Variants in PCDHGB6 observed in about 807,000 individuals in gnomAD.
PCDHGB6 encodes the protein protocadherin gamma subfamily B, 6.
Under a neutral mutation model 59.1 loss-of-function variants are expected in PCDHGB6, and 51 were observed. The observed-to-expected ratio is 0.86, with a 90% CI of 0.69 to 1.09. The LOEUF (loss-of-function observed/expected upper bound fraction) is 1.09, where lower values mean the gene tolerates loss of function less well. Among genes scored for constraint, PCDHGB6 ranks in the 50% least tolerant of loss-of-function variants. The pLI is 0.00. For synonymous variants in PCDHGB6, 466 were observed against 495.1 expected (o/e 0.94, Z 0.78); for missense variants, 1,148 against 1,205.1 (o/e 0.95, Z 0.70).
chr5:141,439,212 T>G (rs1391791892), intron 1 of PCDHGB6, among the ~76,000 whole-genome samples: 1 of 150,642 alleles, frequency 6.6e-6, no homozygotes, highest in Non-Finnish European at 1.5e-5. Context: ...AAAATCCATA[T>G]GTGAAAATTC....
At chr5:141,449,021 C>T (rs897401758) in intron 1 of PCDHGB6, among the ~76,000 whole-genome samples, 3 of 152,104 alleles carry the variant, frequency 2.0e-5, no homozygotes, top group Non-Finnish European at 4.4e-5. Context: ...AGTTGCTTAG[C>T]ATTCCTTTGG....
chr5:141,494,898 T>C, intron 2 of PCDHGB6, 33 bp downstream of exon 2: 1 of 1,614,074 alleles, frequency 6.2e-7, no homozygotes, highest in Non-Finnish European at 8.5e-7. Flanking sequence ...CACCCTCTTC[T>C]CTGCGGCATT....
At chr5:141,426,010 C>T (rs2096909211) in intron 1 of PCDHGB6, among the ~76,000 whole-genome samples, 1 of 152,178 alleles carries the variant, frequency 6.6e-6, no homozygotes, top group Non-Finnish European at 1.5e-5. Flanking sequence ...CTTCCGGCTG[C>T]AGTTTTCTAA....
chr5:141,476,926 T>G lies in PCDHGB6; in HGVS notation c.2419-17881T>G, dbSNP rs779017502. ...GCGTGGTACAAGTCCTTGCAACGGA[T>G]CTGGATGAAGGCCCCAACGGTGAAA... is the stretch of plus-strand genomic sequence containing the variant. On this transcript the variant is annotated intron_variant, in intron 1 of 3. Coordinates refer to ENST00000520790, the MANE Select transcript of PCDHGB6 (RefSeq NM_018926.3). The surrounding 1 kb of genome is among the most constrained non-coding windows in gnomAD (Gnocchi z 7.6). 1 of 1,614,072 alleles carries G rather than the reference T, an allele frequency of 6.2e-7. No homozygotes were observed. The highest frequency in any genetic ancestry group is 1.1e-5 in the South Asian group (1 of 91,092).
At position 141,477,112 on chromosome 5, in the gene PCDHGB6, A is replaced by C. The variant is rs745449028; in HGVS notation, c.2419-17695A>C. The C allele has an allele frequency of 2.5e-6, 4 of 1,614,262 alleles. No homozygotes were observed. The South Asian group carries it at 4.4e-5, about 18-fold the overall frequency. Reference sequence around the variant, plus strand: ...CCAAAGACAAGGGCGCCAATCCCGAAGGAGCACATTGCAAAGTGTTGGTGG... The same window carrying C: ...CCAAAGACAAGGGCGCCAATCCCGACGGAGCACATTGCAAAGTGTTGGTGG... On this transcript the variant is annotated intron_variant, in intron 1 of 3. Transcript: ENST00000520790. This position sits in a 1 kb window ranked among gnomAD's most constrained non-coding sequence, Gnocchi z 4.9.
chr5:141,425,869 C>G (rs1376765137), intron 1 of PCDHGB6, among the ~76,000 whole-genome samples: 1 of 152,198 alleles, frequency 6.6e-6, no homozygotes, highest in Non-Finnish European at 1.5e-5. Flanking sequence ...TATAGATTCC[C>G]ATCTCTAAGG....
At position 141,477,961 on chromosome 5, in the gene PCDHGB6, C is replaced by T. The variant is rs199947431; in HGVS notation, c.2419-16846C>T. 21 of 1,614,048 alleles carry T rather than the reference C, an allele frequency of 1.3e-5. No homozygotes were observed. The Admixed American group carries it at 1.5e-4, about 12-fold the overall frequency. On this transcript the variant is annotated intron_variant, in intron 1 of 3. Coordinates refer to ENST00000520790, the MANE Select transcript of PCDHGB6 (RefSeq NM_018926.3). The surrounding 1 kb of genome is among the most constrained non-coding windows in gnomAD (Gnocchi z 4.9). Reference sequence around the variant, plus strand: ...CCTACAGTCTCTTGGGATCCCCTAACCAGAGCCTTTTTGCCATAGGGCTGC... The same window carrying T: ...CCTACAGTCTCTTGGGATCCCCTAATCAGAGCCTTTTTGCCATAGGGCTGC...
chr5:141,417,704 A>G, intron 1 of PCDHGB6: 2 of 1,207,460 alleles, frequency 1.7e-6, no homozygotes, highest in Non-Finnish European at 1.1e-6. Context: ...GCTCCCACAC[A>G]GAGGCTCCCG....
intron 1 of PCDHGB6, among the ~76,000 whole-genome samples, chr5:141,469,923 G>A (rs1251812588): frequency 1.3e-5 from 2 of 152,200 alleles, no homozygotes; most frequent in Non-Finnish European, 2.9e-5. Flanking sequence ...CCGAGGTCAG[G>A]AGTTTGAGAC....
intron 1 of PCDHGB6, chr5:141,478,798 T>G: frequency 6.8e-7 from 1 of 1,463,780 alleles, no homozygotes. Flanking sequence ...TCCTCAGCAC[T>G]CTTTTGCTAT....
At chr5:141,422,886 G>A in intron 1 of PCDHGB6, 1 of 1,614,260 alleles carries the variant, frequency 6.2e-7, no homozygotes, top group Non-Finnish European at 8.5e-7. Flanking sequence ...GCCTGTTCGT[G>A]CTGGACCAGA....
chr5:141,479,767 C>G (rs2099505975), intron 1 of PCDHGB6: 1 of 152,174 alleles, frequency 6.6e-6, no homozygotes, highest in African/African-American at 2.4e-5. Flanking sequence ...AAATTCATAT[C>G]CTTAGACAGG....
intron 1 of PCDHGB6, chr5:141,422,354 A>G: frequency 6.4e-7 from 1 of 1,557,090 alleles, no homozygotes; most frequent in Non-Finnish European, 8.6e-7. Flanking sequence ...CAAGATCAAG[A>G]TTCTGGAGAA....
chr5:141,494,468 C>G (rs2099754577), intron 1 of PCDHGB6, among the ~76,000 whole-genome samples: 1 of 152,136 alleles, frequency 6.6e-6, no homozygotes, highest in East Asian at 1.9e-4. Context: ...TGCACCTCTT[C>G]CCCCAGTTCC....
intron 1 of PCDHGB6, among the ~76,000 whole-genome samples, chr5:141,439,689 A>G (rs1193986599): frequency 6.6e-6 from 1 of 152,218 alleles, no homozygotes; most frequent in Non-Finnish European, 1.5e-5. Flanking sequence ...CAGACCCACA[A>G]CATTCCTATT....
chr5:141,439,310 A>G lies in PCDHGB6; in HGVS notation c.2418+28690A>G, dbSNP rs775009481. ...TCCATGGAAAAAGTAAAGCCCAGGCATGGAAGTGGGAATGGAAAGAAAGAT... is the reference window on the plus strand; with the variant it reads ...TCCATGGAAAAAGTAAAGCCCAGGCGTGGAAGTGGGAATGGAAAGAAAGAT... On this transcript the variant is annotated intron_variant, in intron 1 of 3. Transcript: ENST00000520790. 1.6e-4 allele frequency among the ~76,000 whole-genome samples: 24 copies of G among 152,320 alleles called. No homozygotes were observed. In the South Asian group the frequency reaches 4.1e-3, roughly 26 times the overall value.
At chr5:141,474,332 G>A (rs1427828070) in intron 1 of PCDHGB6, among the ~76,000 whole-genome samples, 1 of 152,168 alleles carries the variant, frequency 6.6e-6, no homozygotes, top group Non-Finnish European at 1.5e-5. Flanking sequence ...TCACCCTGAT[G>A]TTTTGTTAAA....
Position 141,431,432 on chromosome 5 carries a change from AC to A in PCDHGB6, c.2418+20814del. 2 of 1,613,692 alleles carry A rather than the reference AC, an allele frequency of 1.2e-6. No individual in the cohort carries two copies. Among genetic ancestry groups the A allele is most frequent in the Non-Finnish European group, 1.7e-6 (2 of 1,180,026 alleles). On this transcript the variant is annotated intron_variant, in intron 1 of 3. Transcript: ENST00000520790. The surrounding 1 kb of genome is among the most constrained non-coding windows in gnomAD (Gnocchi z 4.8). ...CGGGGGCGACCCGGTGCGCACAGGC[AC>A]CGCGCGCATCCGCGTGATGGTTCTG... is the stretch of plus-strand genomic sequence containing the variant.
Position 141,408,371 on chromosome 5 carries a change from A to C in PCDHGB6, c.169A>C (p.Ser57Arg), listed in dbSNP as rs2095092452. 1 of 1,613,848 alleles carries C rather than the reference A, an allele frequency of 6.2e-7. No homozygotes were observed. The highest frequency in any genetic ancestry group is 8.5e-7 in the Non-Finnish European group (1 of 1,179,856). The change falls in exon 1 of 4, where the codon AGT (serine) becomes CGT (arginine). Residue 57 changes from serine to arginine, a missense_variant. Ser to Arg is a moderately radical substitution (Grantham distance 110, BLOSUM62 -1). Coordinates refer to ENST00000520790, the MANE Select transcript of PCDHGB6 (RefSeq NM_018926.3). ...VGNLAKDLGL[S>R]VLDVSARKLR... ...GAACCTCGCTAAGGATCTAGGGCTC[A>C]GTGTCCTGGATGTGTCGGCTCGCAA...
Sources: gnomAD v4.1 joint callset for allele counts (sites outside exome capture counted in the v4.1 genomes callset) on GRCh38, gnomAD v4.1.1 for gene constraint, Gnocchi (gnomAD v3.1) non-coding constraint, MANE v1.5 for transcripts, NCBI Gene and HGNC (gene_info 2026-07-23, HGNC 2026-07-21) for gene names.